MECOM: variants seen among roughly 807,000 people sequenced by gnomAD.
MECOM encodes histone-lysine N-methyltransferase MECOM.
Under a neutral mutation model 116.3 loss-of-function variants are expected in MECOM, and 13 were observed. The observed-to-expected ratio is 0.11, with a 90% confidence interval of 0.07 to 0.18. MECOM has a LOEUF of 0.18. MECOM is among the 10% of genes least tolerant of loss of function. The pLI is 1.00. For synonymous variants in MECOM, 528 were observed against 535.2 expected, an observed-to-expected ratio of 0.99 and a Z score of 0.19; for missense variants, 1,299 against 1,509.0, an observed-to-expected ratio of 0.86 and a Z score of 2.31.
chr3:169,115,479 C>G lies in MECOM; in HGVS notation c.2393G>C (p.Gly798Ala). The G allele has an allele frequency of 6.2e-7, 1 of 1,614,074 alleles. No homozygotes were observed. The highest frequency in any genetic ancestry group is 1.1e-5 in the South Asian group (1 of 91,072). Residue 798 changes from glycine to alanine, a missense_variant, in exon 8 of 17, where the codon GGG (glycine) becomes GCG (alanine). Gly to Ala is a moderately conservative substitution (Grantham distance 60). Coordinates refer to ENST00000651503, the MANE Select transcript of MECOM (RefSeq NM_004991.4). ...LTEPRKNHVF[G>A]GKKGSNVESR... ...TTCGACGTTGCTTCCTTTTTTTCCC[C>G]CAAACACGTGGTTTTTTCGAGGCTC... is the stretch of plus-strand genomic sequence containing the variant.
intron 1 of MECOM, among the ~76,000 whole-genome samples, chr3:169,464,955 T>A (rs1477578621): frequency 6.6e-6 from 1 of 152,146 alleles, no homozygotes; most frequent in Non-Finnish European, 1.5e-5. Context: ...GCCAAATATA[T>A]TTAATATTTA....
intron 2 of MECOM, among the ~76,000 whole-genome samples, chr3:169,374,254 C>T (rs998870328): frequency 2.0e-5 from 3 of 151,812 alleles, no homozygotes; most frequent in African/African-American, 7.3e-5. Flanking sequence ...GAGGAGAGCG[C>T]TCACCAGAAA....
At chr3:169,370,275 G>C (rs1729872356) in intron 2 of MECOM, among the ~76,000 whole-genome samples, 1 of 151,762 alleles carries the variant, frequency 6.6e-6, no homozygotes. Context: ...ATGGAGAAAG[G>C]GTAGTCTCTT....
intron 1 of MECOM, among the ~76,000 whole-genome samples, chr3:169,586,949 A>T (rs955018266): frequency 2.0e-5 from 3 of 152,204 alleles, no homozygotes; most frequent in Admixed American, 2.0e-4. Context: ...TGGTAATATT[A>T]AGTCACATTT....
At position 169,162,689 on chromosome 3, in the gene MECOM, T is replaced by C. The variant is rs146389142; in HGVS notation, c.376-18857A>G. Among the ~76,000 whole-genome samples the C allele has an allele frequency of 9.2e-5, 14 of 152,290 alleles. No individual in the cohort carries two copies. The East Asian group carries it at 2.5e-3, about 27-fold the overall frequency. ...TCCTCACATATTTTAAAAATATAGA[T>C]TGTAGTAGGTTAGGTATGTTTATCT... On this transcript the variant is annotated intron_variant, in intron 2 of 16. Coordinates refer to ENST00000651503, the MANE Select transcript of MECOM (RefSeq NM_004991.4).
At chr3:169,622,101 T>C (rs79143165) in intron 1 of MECOM, among the ~76,000 whole-genome samples, 204 of 152,228 alleles carry the variant, frequency 1.3e-3, no homozygotes, top group African/African-American at 4.8e-3. Flanking sequence ...TGTTTGTTTG[T>C]TTTTTGAGAA....
At chr3:169,503,593 T>C (rs1225989061) in intron 1 of MECOM, among the ~76,000 whole-genome samples, 1 of 152,220 alleles carries the variant, frequency 6.6e-6, no homozygotes, top group East Asian at 1.9e-4. Context: ...CTCCACCTGC[T>C]ACATTACACT....
chr3:169,599,265 C>CA (rs1306178134), intron 1 of MECOM, among the ~76,000 whole-genome samples: 1 of 152,134 alleles, frequency 6.6e-6, no homozygotes, highest in Non-Finnish European at 1.5e-5. Flanking sequence ...CCTGTAATCC[C>CA]AGCACTTTGG....
intron 1 of MECOM, among the ~76,000 whole-genome samples, chr3:169,660,586 T>A (rs963987637): frequency 2.6e-5 from 4 of 152,136 alleles, no homozygotes; most frequent in African/African-American, 9.7e-5. Context: ...ACTATTTATA[T>A]GTAATTTGTT....
intron 1 of MECOM, among the ~76,000 whole-genome samples, chr3:169,416,035 T>A (rs1268275228): frequency 6.6e-6 from 1 of 152,200 alleles, no homozygotes; most frequent in Non-Finnish European, 1.5e-5. Context: ...CTAATAGACA[T>A]CTACAGAACT....
chr3:169,602,333 T>C (rs1431219976), intron 1 of MECOM, among the ~76,000 whole-genome samples: 3 of 152,174 alleles, frequency 2.0e-5, no homozygotes, highest in Non-Finnish European at 4.4e-5. Context: ...ATCTAAATTA[T>C]GGAAATAATA....
intron 1 of MECOM, among the ~76,000 whole-genome samples, chr3:169,496,385 C>A (rs1471876088): frequency 6.6e-6 from 1 of 152,174 alleles, no homozygotes; most frequent in African/African-American, 2.4e-5. Flanking sequence ...GTGTTTGTAA[C>A]CTAAAAGAGG....
intron 1 of MECOM, among the ~76,000 whole-genome samples, chr3:169,383,221 G>C (rs553351362): frequency 3.3e-5 from 5 of 152,190 alleles, no homozygotes; most frequent in South Asian, 4.2e-4. Flanking sequence ...TGAGGTGCTT[G>C]GTTCTTGGTT....
chr3:169,327,609 G>A (rs1444697865), intron 2 of MECOM, among the ~76,000 whole-genome samples: 1 of 137,760 alleles, frequency 7.3e-6, no homozygotes, highest in Non-Finnish European at 1.5e-5. Flanking sequence ...TTGCACTCCA[G>A]CAATGGTGAC....
chr3:169,158,594 T>G (rs572098351), intron 2 of MECOM, among the ~76,000 whole-genome samples: 5 of 152,246 alleles, frequency 3.3e-5, no homozygotes, highest in African/African-American at 4.8e-5. Context: ...ACACCATGCA[T>G]CCTCTGAATG....
intron 1 of MECOM, among the ~76,000 whole-genome samples, chr3:169,640,930 T>C (rs1773399732): frequency 6.6e-6 from 1 of 152,196 alleles, no homozygotes; most frequent in Non-Finnish European, 1.5e-5. Context: ...TCAGATATTC[T>C]GGGGGATAAG....
chr3:169,180,972 T>TA, intron 2 of MECOM, among the ~76,000 whole-genome samples: 1 of 152,000 alleles, frequency 6.6e-6, no homozygotes, highest in African/African-American at 2.4e-5. Context: ...GTGAAACTAA[T>TA]AAGAGTTATA....
intron 2 of MECOM, among the ~76,000 whole-genome samples, chr3:169,356,176 T>A (rs1404931814): frequency 6.6e-6 from 1 of 151,856 alleles, no homozygotes; most frequent in Non-Finnish European, 1.5e-5. Context: ...TGAGGTGCAA[T>A]GTAAATTGAG....
At chr3:169,113,457 CAG>C (rs10662833) in intron 8 of MECOM, among the ~76,000 whole-genome samples, 25 of 148,492 alleles carry the variant, frequency 1.7e-4, no homozygotes, top group African/African-American at 3.9e-4. Flanking sequence ...AATATATATT[CAG>C]AGAGAGAGAG....
Sources: allele counts gnomAD v4.1 joint callset (sites outside exome capture counted in the v4.1 genomes callset), GRCh38; gene constraint gnomAD v4.1.1; transcripts MANE v1.5; gene names NCBI Gene and HGNC (gene_info 2026-07-23, HGNC 2026-07-21).